Variants in TMEM98 observed in about 807,000 individuals in gnomAD.
TMEM98 encodes the protein transmembrane protein 98.
Under a neutral mutation model 25.0 loss-of-function variants are expected in TMEM98, and 18 were observed. That is an observed-to-expected ratio of 0.72 (90% CI 0.50 to 1.07). The LOEUF (loss-of-function observed/expected upper bound fraction) is 1.07, where lower values mean the gene tolerates loss of function less well. TMEM98 is among the 50% of genes least tolerant of loss of function. The pLI is 0.00. For missense variants in TMEM98, 241 were observed against 289.0 expected (o/e 0.83, Z 1.20); for synonymous variants, 103 against 112.4 (o/e 0.92, Z 0.53).
rs753352735 is a variant in TMEM98 at position 32,931,647 on chromosome 17, G to A, written c.119G>A (p.Arg40His). 1.1e-5 allele frequency: 17 copies of A among 1,605,354 alleles called. No homozygotes were observed. The highest frequency in any genetic ancestry group is 6.8e-5 in the South Asian group (6 of 88,764). Residue 40 changes from arginine (R) to histidine (H), a missense_variant, in exon 3 of 8, where the codon CGC becomes CAC. Physicochemically the swap from Arg to His is conservative, Grantham distance 29. Coordinates refer to ENST00000579849, the MANE Select transcript of TMEM98 (RefSeq NM_015544.3). ...RYCRPRDLLQ[R>H]YDSKPIVDLI... Reference sequence around the variant, plus strand: ...TGCCGGCCGCGAGACCTGCTGCAGCGCTATGATTCTAAGTGAGTGAGCCTA... The same window carrying A: ...TGCCGGCCGCGAGACCTGCTGCAGCACTATGATTCTAAGTGAGTGAGCCTA...
rs1383978396 is a variant in TMEM98, at chr17:32,933,162, C to CT, written c.132-8dup. ...CACCATGAAACCATTTAACGGGGGC[C>CT]TTTTCTTCCAGGCCCATTGTGGACC... On this transcript the variant is annotated splice_polypyrimidine_tract_variant and intron_variant, in intron 3 of 7. Transcript: ENST00000579849. 3.7e-6 allele frequency: 6 copies of CT among 1,613,864 alleles called. No homozygotes were observed. Among genetic ancestry groups the CT allele is most frequent in the Non-Finnish European group, 5.1e-6 (6 of 1,179,848 alleles).
intron 1 of TMEM98, among the ~76,000 whole-genome samples, chr17:32,930,449 G>T (rs777337849): frequency 1.1e-4 from 16 of 152,246 alleles, no homozygotes; most frequent in Non-Finnish European, 2.1e-4. Context: ...ACAAATAAAA[G>T]AATTCTATGA....
intron 3 of TMEM98, 84 bp from the exon 4 acceptor site, chr17:32,933,090 T>A: frequency 6.4e-7 from 1 of 1,556,942 alleles, no homozygotes; most frequent in Non-Finnish European, 8.7e-7. Flanking sequence ...TTACTTCTTT[T>A]ATGGTGTATG....
At chr17:32,940,760 T>C in intron 7 of TMEM98, 26 bp from the exon 8 acceptor site, 1 of 1,602,586 alleles carries the variant, frequency 6.2e-7, no homozygotes, top group African/African-American at 1.3e-5. Flanking sequence ...CTAGGAAACC[T>C]GACCCTATTT....
At chr17:32,939,427 A>AGG in intron 6 of TMEM98, 50 bp from the exon 7 acceptor site, 2 of 1,170,804 alleles carry the variant, frequency 1.7e-6, no homozygotes. Flanking sequence ...AAAAAAGGAG[A>AGG]AAAGGAGATC....
Position 32,941,140 on chromosome 17 carries a change from G to A in TMEM98, c.*147G>A, listed in dbSNP as rs769141995. ...GTGCATAGTAAAGCAGGAGATCCCCGTCAGTTTATGCCTCTTTTGCAGTTG... is the reference window on the plus strand; with the variant it reads ...GTGCATAGTAAAGCAGGAGATCCCCATCAGTTTATGCCTCTTTTGCAGTTG... On this transcript the variant is annotated 3_prime_UTR_variant, in exon 8 of 8. Coordinates refer to ENST00000579849, the MANE Select transcript of TMEM98 (RefSeq NM_015544.3). 39 of 698,306 alleles carry A rather than the reference G, an allele frequency of 5.6e-5. No homozygotes were observed. Among genetic ancestry groups the A allele is most frequent in the African/African-American group, 1.1e-4 (6 of 55,590 alleles). The allele number at this position is 698,306 out of a possible 1,614,324, so 43.3% of individuals were successfully genotyped here.
rs1242853122 is a variant in TMEM98 at position 32,931,320 on chromosome 17, T to C, written c.-130-7T>C. 2 of 507,782 alleles carry C rather than the reference T, an allele frequency of 3.9e-6. No individual in the cohort carries two copies. The highest frequency in any genetic ancestry group is 6.5e-6 in the Non-Finnish European group (2 of 305,910). 31.5% of individuals were successfully genotyped at this position (507,782 alleles called of 1,614,324 possible). ...CATGGCATAAATTTTACCTTGGTTC[T>C]CTTCAGGCCCTCAGGTCTCTGCAGG... On this transcript the variant is annotated splice_region_variant and splice_polypyrimidine_tract_variant and intron_variant, in intron 1 of 7. Transcript: ENST00000579849.
In TMEM98 at chr17:32,931,337, C is replaced by T; in HGVS notation, c.-120C>T. The T allele has an allele frequency of 1.6e-6, 1 of 616,278 alleles. No homozygotes were observed. Among genetic ancestry groups the T allele is most frequent in the Non-Finnish European group, 2.6e-6 (1 of 377,798 alleles). 38.2% of individuals were successfully genotyped at this position (616,278 alleles called of 1,614,324 possible). A position where few individuals can be genotyped will look rare whatever the true frequency, so the allele number is the denominator to read the frequency against. On this transcript the variant is annotated 5_prime_UTR_variant, in exon 2 of 8. Coordinates refer to ENST00000579849, the MANE Select transcript of TMEM98 (RefSeq NM_015544.3). ...CTTGGTTCTCTTCAGGCCCTCAGGTCTCTGCAGGTGTCGTGGAGGAACCTA... is the reference window on the plus strand; with the variant it reads ...CTTGGTTCTCTTCAGGCCCTCAGGTTTCTGCAGGTGTCGTGGAGGAACCTA...
chr17:32,937,024 C>CA (rs2151113518), intron 6 of TMEM98, among the ~76,000 whole-genome samples: 1 of 152,388 alleles, frequency 6.6e-6, no homozygotes, highest in Non-Finnish European at 1.5e-5. Flanking sequence ...TCAACAGCTA[C>CA]ACCCCCTCAT....
chr17:32,939,532 G>A lies in TMEM98; in HGVS notation c.469G>A (p.Ala157Thr), dbSNP rs767516695. The A allele has an allele frequency of 3.7e-6, 6 of 1,614,076 alleles. No individual in the cohort carries two copies. The highest frequency in any genetic ancestry group is 1.7e-5 in the Admixed American group (1 of 60,020). ...TCCGTTGGACCCCAAACTCCTGGAC[G>A]CACGGTGAGACCAGGGGTGGGTGCA... ...YPPLDPKLLD[A>T]RTTALLLSVS... Residue 157 changes from alanine to threonine, a missense_variant, in exon 7 of 8, where the codon GCA (alanine) becomes ACA (threonine). Ala to Thr is a moderately conservative substitution (Grantham distance 58, BLOSUM62 0). Transcript: ENST00000579849.
intron 1 of TMEM98, among the ~76,000 whole-genome samples, chr17:32,928,803 A>ACTC: frequency 9.5e-5 from 14 of 146,752 alleles, no homozygotes; most frequent in African/African-American, 3.5e-4. Context: ...TCAGAAACAC[A>ACTC]CGCACTCAGA....
At chr17:32,929,061 CTCAG>C (rs906444603) in intron 1 of TMEM98, among the ~76,000 whole-genome samples, 3 of 123,952 alleles carry the variant, frequency 2.4e-5, no homozygotes, top group African/African-American at 1.3e-4. Context: ...CTCACACACA[CTCAG>C]AAACATACTC....
In TMEM98 at chr17:32,940,862, G is replaced by T; in HGVS notation, c.550G>T (p.Asp184Tyr). The change falls in exon 8 of 8, where the codon GAC (aspartate) becomes TAC (tyrosine). Residue 184 changes from aspartate (D) to tyrosine (Y), a missense_variant. By Grantham distance (160) the Asp-to-Tyr change is radical (BLOSUM62 -3). Coordinates refer to ENST00000579849, the MANE Select transcript of TMEM98 (RefSeq NM_015544.3). The stretch of plus-strand genomic sequence containing the variant: ...TGCCTGCCATCTGACGGGAGGCCTG[G>T]ACTGGATTGACCAGTCTCTGTCGGC... ...RNACHLTGGL[D>Y]WIDQSLSAAE... 1 of 1,614,178 alleles carries T rather than the reference G, an allele frequency of 6.2e-7. No homozygotes were observed. The highest frequency in any genetic ancestry group is 8.5e-7 in the Non-Finnish European group (1 of 1,180,018).
At chr17:32,931,257 A>G in intron 1 of TMEM98, 70 bp from the exon 2 acceptor site, 1 of 376,956 alleles carries the variant, frequency 2.7e-6, no homozygotes, top group South Asian at 5.2e-5. Context: ...CCAACTGGGG[A>G]GCAAATTCTT....
chr17:32,935,083 CAA>C (rs368388666), intron 5 of TMEM98, among the ~76,000 whole-genome samples: 3 of 151,878 alleles, frequency 2.0e-5, no homozygotes, highest in Non-Finnish European at 4.4e-5. Flanking sequence ...TTCAAGATTT[CAA>C]AAGAGACAAC....
chr17:32,940,652 T>C, intron 7 of TMEM98, 134 bp from the exon 8 acceptor site: 1 of 862,210 alleles, frequency 1.2e-6, no homozygotes, highest in Non-Finnish European at 1.8e-6. Flanking sequence ...CAACTTTAAA[T>C]TGCATACCTA....
At chr17:32,937,833 C>T (rs2091505113) in intron 6 of TMEM98, among the ~76,000 whole-genome samples, 1 of 152,128 alleles carries the variant, frequency 6.6e-6, no homozygotes, top group Non-Finnish European at 1.5e-5. Context: ...TCAGGTGATC[C>T]TCCTGCCTCA....
In TMEM98 at chr17:32,939,552, G is replaced by A; in HGVS notation, c.473+16G>A. Reference sequence around the variant, plus strand: ...TGGACGCACGGTGAGACCAGGGGTGGGTGCATGTTCGGTTTTTCATGCAGA... The same window carrying A: ...TGGACGCACGGTGAGACCAGGGGTGAGTGCATGTTCGGTTTTTCATGCAGA... On this transcript the variant is annotated intron_variant, in intron 7 of 7. Coordinates refer to ENST00000579849, the MANE Select transcript of TMEM98 (RefSeq NM_015544.3). 1 of 1,614,054 alleles carries A rather than the reference G, an allele frequency of 6.2e-7. No homozygotes were observed. Among genetic ancestry groups the A allele is most frequent in the Admixed American group, 1.7e-5 (1 of 60,026 alleles).
chr17:32,932,498 C>A (rs1717153234), intron 3 of TMEM98, among the ~76,000 whole-genome samples: 1 of 152,204 alleles, frequency 6.6e-6, no homozygotes, highest in South Asian at 2.1e-4. Context: ...ATAGACCGTT[C>A]AGGGATTAAC....
Sources: allele counts gnomAD v4.1 joint callset (sites outside exome capture counted in the v4.1 genomes callset), GRCh38; gene constraint gnomAD v4.1.1; transcripts MANE v1.5; gene names NCBI Gene and HGNC (gene_info 2026-07-23, HGNC 2026-07-21).